The following CHD1L variants were observed in gnomAD, a reference collection of about 807,000 sequenced individuals.
CHD1L encodes the protein ATP-dependent chromatin remodeler CHD1L.
Under a neutral mutation model 115.9 loss-of-function variants are expected in CHD1L, and 118 were observed. That is an observed-to-expected ratio of 1.02 (90% CI 0.88 to 1.19). The LOEUF is 1.19. CHD1L is among the 50% of genes most tolerant of loss of function. The probability of loss-of-function intolerance (pLI) is 0.00; values close to 1 mark genes in which losing one functional copy is unlikely to be tolerated. For synonymous variants in CHD1L, 411 were observed against 387.1 expected, an observed-to-expected ratio of 1.06 and a Z score of -0.72; for missense variants, 1,179 against 1,065.3, an observed-to-expected ratio of 1.11 and a Z score of -1.49.
intron 12 of CHD1L, among the ~76,000 whole-genome samples, 196 bp from the exon 13 acceptor site, chr1:147,275,158 G>C (rs1211416402): frequency 6.6e-6 from 1 of 152,162 alleles, no homozygotes; most frequent in East Asian, 1.9e-4. Flanking sequence ...TTTCCCATCA[G>C]GCAATAAGAG....
intron 8 of CHD1L, among the ~76,000 whole-genome samples, chr1:147,266,398 C>A (rs990542889): frequency 5.9e-5 from 9 of 152,182 alleles, no homozygotes; most frequent in Non-Finnish European, 1.2e-4. Flanking sequence ...CGGTAGTCCA[C>A]CCTCATTCAC....
In CHD1L at chr1:147,265,954, G is replaced by A. The variant is rs782107935; in HGVS notation, c.762G>A (p.Leu254=). 6.2e-7 allele frequency: 1 copy of A among 1,611,894 alleles called. No homozygotes were observed. Among genetic ancestry groups the A allele is most frequent in the Non-Finnish European group, 8.5e-7 (1 of 1,179,264 alleles). The change falls in exon 8 of 23, where the codon TTG becomes TTA. Residue 254 remains leucine (L), a synonymous_variant. Coordinates refer to ENST00000369258, the MANE Select transcript of CHD1L (RefSeq NM_004284.6). ...SESASELHKL[L]QPFLLRRVKA... ...TAGCAAGTGAACTGCACAAACTCTT[G>A]CAGCCATTTCTGCTGAGGCGAGTGA... is the stretch of plus-strand genomic sequence containing the variant.
At chr1:147,291,380 G>A in intron 19 of CHD1L, 102 bp from the exon 20 acceptor site, 1 of 960,044 alleles carries the variant, frequency 1.0e-6, no homozygotes, top group Non-Finnish European at 1.7e-6. Context: ...AGGAAGGTGG[G>A]TCCTGAAACC....
At chr1:147,286,531 G>A in intron 18 of CHD1L, 31 bp downstream of exon 18, 14 of 1,599,858 alleles carry the variant, frequency 8.8e-6, no homozygotes, top group African/African-American at 1.3e-5. Context: ...TGGGGATGGG[G>A]GCCTCAGTCC....
chr1:147,222,474 G>A, the CHD1L span, among the ~76,000 whole-genome samples: 3 of 152,122 alleles, frequency 2.0e-5, no homozygotes, highest in African/African-American at 7.2e-5. Context: ...TAAATGGGAG[G>A]AATGAGGACA....
chr1:147,261,355 G>A (rs953247747), intron 6 of CHD1L, among the ~76,000 whole-genome samples: 7 of 151,500 alleles, frequency 4.6e-5, no homozygotes, highest in African/African-American at 7.3e-5. Flanking sequence ...GAAGGTGGAC[G>A]GGCAAGAGGG....
chr1:147,211,190 G>A, the CHD1L span: 3 of 152,098 alleles, frequency 2.0e-5, no homozygotes, highest in African/African-American at 4.8e-5. Flanking sequence ...GCTTTGTTAT[G>A]TGGCAACCTG....
In CHD1L at chr1:147,242,768, C is replaced by G; in HGVS notation, c.65C>G (p.Thr22Ser). The change falls in exon 1 of 23, where the codon ACT becomes AGT. Residue 22 changes from threonine to serine, a missense_variant. Transcript: ENST00000369258. The stretch of plus-strand genomic sequence containing the variant: ...CCTGGCTTCTTACTGCGGCTTCATA[C>G]TGAGGGCCGAGCCGAGGCGGCGCGG... ...QAPGFLLRLHTEGRAEAARVQ... is the reference protein window; with the variant it reads ...QAPGFLLRLHSEGRAEAARVQ... The G allele has an allele frequency of 1.6e-6, 2 of 1,269,538 alleles. No homozygotes were observed. The highest frequency in any genetic ancestry group is 1.5e-5 in the African/African-American group (1 of 65,642). 78.6% of individuals were successfully genotyped at this position (1,269,538 alleles called of 1,614,324 possible).
chr1:147,245,268 A>T (rs1371678559), intron 1 of CHD1L, among the ~76,000 whole-genome samples: 3 of 152,184 alleles, frequency 2.0e-5, no homozygotes, highest in African/African-American at 7.2e-5. Flanking sequence ...GAGATTTGGA[A>T]GGGGAAAGTG....
the CHD1L span, among the ~76,000 whole-genome samples, chr1:147,195,139 G>T: frequency 7.9e-5 from 12 of 152,176 alleles, no homozygotes; most frequent in Non-Finnish European, 1.3e-4. Context: ...TCACTTTCAG[G>T]TTCACCAATC....
chr1:147,191,676 T>C, the CHD1L span, among the ~76,000 whole-genome samples: 2 of 148,622 alleles, frequency 1.3e-5, no homozygotes, highest in African/African-American at 5.0e-5. Flanking sequence ...CCATCTTGAA[T>C]TGATTTTTGT....
chr1:147,196,304 T>G, the CHD1L span, among the ~76,000 whole-genome samples: 2 of 152,146 alleles, frequency 1.3e-5, no homozygotes, highest in African/African-American at 4.8e-5. Context: ...CATAAATCAA[T>G]TAGGAAACAC....
chr1:147,232,672 T>C, the CHD1L span, among the ~76,000 whole-genome samples: 1 of 152,264 alleles, frequency 6.6e-6, no homozygotes, highest in East Asian at 1.9e-4. Context: ...CTGGTTTTCG[T>C]ATTTTTTTGG....
At chr1:147,275,017 ACTACT>A (rs1391763833) in intron 12 of CHD1L, among the ~76,000 whole-genome samples, 1 of 152,150 alleles carries the variant, frequency 6.6e-6, no homozygotes, top group Non-Finnish European at 1.5e-5. Context: ...TTTTCCTCAG[ACTACT>A]CTAATCAAAA....
the CHD1L span, chr1:147,212,342 G>A: frequency 6.3e-7 from 1 of 1,593,330 alleles, no homozygotes; most frequent in Non-Finnish European, 8.6e-7. Context: ...CTTCCTTGGA[G>A]AAACTGAAGC....
the CHD1L span, among the ~76,000 whole-genome samples, chr1:147,177,213 GAC>G: frequency 6.6e-6 from 1 of 152,056 alleles, no homozygotes; most frequent in African/African-American, 2.4e-5. Flanking sequence ...GCTTTAAAAA[GAC>G]ACAAAAAACT....
rs1439164074 is a variant in CHD1L, at chr1:147,242,766, T to A, written c.63T>A (p.His21Gln). 1 of 1,269,258 alleles carries A rather than the reference T, an allele frequency of 7.9e-7. No individual in the cohort carries two copies. Among genetic ancestry groups the A allele is most frequent in the Non-Finnish European group, 1.0e-6 (1 of 1,000,324 alleles). 78.6% of individuals were successfully genotyped at this position (1,269,258 alleles called of 1,614,324 possible). The change falls in exon 1 of 23, where the codon CAT (histidine) becomes CAA (glutamine). Residue 21 changes from histidine to glutamine, a missense_variant. Transcript: ENST00000369258. The stretch of plus-strand genomic sequence containing the variant: ...CCCCTGGCTTCTTACTGCGGCTTCA[T>A]ACTGAGGGCCGAGCCGAGGCGGCGC... ...GQAPGFLLRL[H>Q]TEGRAEAARV...
intron 15 of CHD1L, among the ~76,000 whole-genome samples, chr1:147,281,798 T>A (rs12751595): frequency 0.44 from 66,180 of 150,658 alleles, 14,610 homozygotes; most frequent in African/African-American, 0.48. Context: ...TTTAAAAAAA[T>A]ATATATATAT....
At chr1:147,236,588 G>A in the CHD1L span, among the ~76,000 whole-genome samples, 1 of 152,086 alleles carries the variant, frequency 6.6e-6, no homozygotes, top group Non-Finnish European at 1.5e-5. Context: ...GGAGACCCTG[G>A]AGTGGGTAGC....
Sources: allele counts gnomAD v4.1 joint callset (sites outside exome capture counted in the v4.1 genomes callset), GRCh38; gene constraint gnomAD v4.1.1; transcripts MANE v1.5; gene names NCBI Gene and HGNC (gene_info 2026-07-23, HGNC 2026-07-21).